The following RNASET2 variants were observed in gnomAD, a reference collection of about 807,000 sequenced individuals.
RNASET2 encodes ribonuclease T2.
RNASET2 carries 28 observed loss-of-function variants against 33.9 expected under a neutral mutation model. The observed-to-expected ratio is 0.83, with a 90% CI of 0.61 to 1.13. The LOEUF is 1.13. Among genes scored for constraint, RNASET2 ranks in the 50% most tolerant of loss-of-function variants. The pLI is 0.00. For synonymous variants in RNASET2, 123 were observed against 121.0 expected (o/e 1.02, Z -0.11); for missense variants, 330 against 319.9 (o/e 1.03, Z -0.24).
chr6:166,934,236 C>G lies in RNASET2; in HGVS notation c.447-100G>C, dbSNP rs2128644578. On this transcript the variant is annotated intron_variant, in intron 6 of 8. Transcript: ENST00000508775. ...ATTTCATGGTAAAAATTAAGACACT[C>G]TTAAAGGAAAGTGTTTTCTATGACT... 10 of 815,552 alleles carry G rather than the reference C, an allele frequency of 1.2e-5. No homozygotes were observed. The South Asian group carries it at 1.4e-4, about 11-fold the overall frequency. The allele number at this position is 815,552 out of a possible 1,614,324, so 50.5% of individuals were successfully genotyped here.
chr6:166,930,499 C>T (rs1479169706), intron 8 of RNASET2, among the ~76,000 whole-genome samples: 1 of 149,042 alleles, frequency 6.7e-6, no homozygotes, highest in African/African-American at 2.5e-5. Context: ...GCCCACACAG[C>T]ACGTTCACAT....
At chr6:166,952,583 T>C in intron 1 of RNASET2, 35 bp from the exon 2 acceptor site, 3 of 1,556,882 alleles carry the variant, frequency 1.9e-6, no homozygotes, top group Middle Eastern at 1.7e-4. Flanking sequence ...TTTCAAGAAC[T>C]TTTTTTAAAG....
intron 4 of RNASET2, 27 bp from the exon 5 acceptor site, chr6:166,943,116 TACG>T (rs745369043): frequency 1.3e-6 from 2 of 1,559,302 alleles, no homozygotes; most frequent in Non-Finnish European, 1.8e-6. Flanking sequence ...AAAATAAGTC[TACG>T]CAGGTTCTTA....
intron 1 of RNASET2, among the ~76,000 whole-genome samples, chr6:166,954,132 C>T (rs1323538860): frequency 6.6e-6 from 1 of 152,080 alleles, no homozygotes; most frequent in East Asian, 1.9e-4. Flanking sequence ...AGATGCCCCC[C>T]TCCCCTATTC....
At chr6:166,947,956 GTAGT>G (rs542691226) in intron 3 of RNASET2, among the ~76,000 whole-genome samples, 117 of 152,296 alleles carry the variant, frequency 7.7e-4, no homozygotes, top group African/African-American at 2.7e-3. Context: ...GTATTTTCAT[GTAGT>G]TATTTATAAT....
intron 1 of RNASET2, chr6:166,955,878 T>TC: frequency 1.5e-6 from 1 of 675,224 alleles, no homozygotes; most frequent in Non-Finnish European, 1.8e-6. Flanking sequence ...TGCTAAGGGC[T>TC]CCCCCCAACC....
At chr6:166,944,065 A>G (rs1387018133) in intron 4 of RNASET2, 1 of 164,994 alleles carries the variant, frequency 6.1e-6, no homozygotes, top group African/African-American at 2.4e-5. Flanking sequence ...GGTTGCAGTG[A>G]GCCGAGATTG....
Position 166,936,165 on chromosome 6 carries a change from A to G in RNASET2, c.447-2029T>C, listed in dbSNP as rs1485181915. Among the ~76,000 whole-genome samples the G allele has an allele frequency of 2.0e-5, 3 of 152,260 alleles. No individual in the cohort carries two copies. In the South Asian group the frequency reaches 6.2e-4, roughly 31 times the overall value. On this transcript the variant is annotated intron_variant, in intron 6 of 8. Coordinates refer to ENST00000508775, the MANE Select transcript of RNASET2 (RefSeq NM_003730.6). ...TATAATTTTCCTATAATTGTTCTTT[A>G]TAGGTTTTAGCAAACATACTCTCAG... is the stretch of plus-strand genomic sequence containing the variant.
rs183283917 is a variant in RNASET2 at position 166,952,104 on chromosome 6, T to C, written c.147+384A>G. On this transcript the variant is annotated intron_variant, in intron 2 of 8. Coordinates refer to ENST00000508775, the MANE Select transcript of RNASET2 (RefSeq NM_003730.6). Reference sequence around the variant, plus strand: ...CACACCGTGAAGGAGAAGGCAGAGATTGGGGTGATGGGTCAGCCCAGGAAC... The same window carrying C: ...CACACCGTGAAGGAGAAGGCAGAGACTGGGGTGATGGGTCAGCCCAGGAAC... 3.3e-4 allele frequency among the ~76,000 whole-genome samples: 51 copies of C among 152,274 alleles called. No homozygotes were observed. In the East Asian group the frequency reaches 8.3e-3, roughly 25 times the overall value.
chr6:166,956,204 C>A lies in RNASET2; in HGVS notation c.-22G>T. ...GCATGGTGCCGACCTGCGGAGAGAA[C>A]GCTGCCAGCTGCCGCTCCGGCTCCC... On this transcript the variant is annotated 5_prime_UTR_variant, in exon 1 of 9. Transcript: ENST00000508775. 6.5e-7 allele frequency: 1 copy of A among 1,543,794 alleles called. No homozygotes were observed.
intron 1 of RNASET2, chr6:166,955,383 A>ACG (rs1281270925): frequency 4.1e-6 from 1 of 244,944 alleles, no homozygotes; most frequent in Non-Finnish European, 4.9e-6. Context: ...ACGCACACGC[A>ACG]CACACACACA....
rs1778372267 is a variant in RNASET2, at chr6:166,929,685, TC to T, written c.673del (p.Glu225LysfsTer14). On this transcript the variant is annotated frameshift_variant, in exon 9 of 9. Transcript: ENST00000508775. LOFTEE classifies it low-confidence loss of function (END_TRUNC). ...EPGEQPSPKQ[E>X]VWLANGAAES... is the part of the protein sequence containing the mutation. ...GGCGGCCCCATTTGCCAGCCAGACT[TC>T]CTGCTTGGGGGACGGCTGCTCCCCC... The T allele has an allele frequency of 1.9e-6, 3 of 1,614,138 alleles. No homozygotes were observed. The highest frequency in any genetic ancestry group is 2.5e-6 in the Non-Finnish European group (3 of 1,180,028).
chr6:166,933,936 T>A lies in RNASET2; in HGVS notation c.492+155A>T. ...CTCCTACTCAACATGCGCAGGAAAA[T>A]AAAATGCAAATAAAATCTGTTCACA... On this transcript the variant is annotated intron_variant, in intron 7 of 8. Transcript: ENST00000508775. The surrounding 1 kb of genome is among the most constrained non-coding windows in gnomAD (Gnocchi z 4.1). The A allele has an allele frequency of 1.4e-6, 1 of 723,852 alleles. No homozygotes were observed. Among genetic ancestry groups the A allele is most frequent in the Admixed American group, 2.0e-5 (1 of 49,452 alleles). 44.8% of individuals were successfully genotyped at this position (723,852 alleles called of 1,614,324 possible). A position where few individuals can be genotyped will look rare whatever the true frequency, so the allele number is the denominator to read the frequency against.
chr6:166,949,440 G>T (rs147086615), intron 2 of RNASET2, among the ~76,000 whole-genome samples: 3,822 of 138,888 alleles, frequency 0.028, 177 homozygotes, highest in African/African-American at 0.1. Context: ...GGCAGAGCTT[G>T]CAGTGAGCCG....
intron 4 of RNASET2, chr6:166,945,242 C>T (rs771021511): frequency 1.3e-5 from 2 of 158,172 alleles, no homozygotes; most frequent in African/African-American, 4.8e-5. Context: ...CATCCTCATG[C>T]TAACTATGCC....
In RNASET2 at chr6:166,929,412, C is replaced by T. The variant is rs1778364828; in HGVS notation, c.*176G>A. On this transcript the variant is annotated 3_prime_UTR_variant, in exon 9 of 9. Transcript: ENST00000508775. Reference sequence around the variant, plus strand: ...CAGCCACTCAGGCGTGGGAGAGCTCCTTTCTCCCCGTGTACGCCACATGCA... The same window carrying T: ...CAGCCACTCAGGCGTGGGAGAGCTCTTTTCTCCCCGTGTACGCCACATGCA... 2 of 713,092 alleles carry T rather than the reference C, an allele frequency of 2.8e-6. No individual in the cohort carries two copies. Among genetic ancestry groups the T allele is most frequent in the Admixed American group, 4.4e-5 (2 of 45,244 alleles). 44.2% of individuals were successfully genotyped at this position (713,092 alleles called of 1,614,324 possible). A position where few individuals can be genotyped will look rare whatever the true frequency, so the allele number is the denominator to read the frequency against.
intron 4 of RNASET2, among the ~76,000 whole-genome samples, chr6:166,944,562 G>A (rs571652947): frequency 6.6e-6 from 1 of 150,962 alleles, no homozygotes; most frequent in East Asian, 2.0e-4. Context: ...GATTGAGTGT[G>A]CAAATTGGGC....
chr6:166,944,579 C>T (rs1190515165), intron 4 of RNASET2, among the ~76,000 whole-genome samples: 1 of 151,830 alleles, frequency 6.6e-6, no homozygotes, highest in Non-Finnish European at 1.5e-5. Context: ...GGGCTACTTC[C>T]GTTTGGGACA....
chr6:166,936,395 T>C (rs762458802), intron 6 of RNASET2, among the ~76,000 whole-genome samples: 1 of 152,064 alleles, frequency 6.6e-6, no homozygotes, highest in Non-Finnish European at 1.5e-5. Context: ...CTAGTGTCGC[T>C]ATACAGGAAT....
Sources: allele counts gnomAD v4.1 joint callset (sites outside exome capture counted in the v4.1 genomes callset), GRCh38; gene constraint gnomAD v4.1.1; non-coding constraint Gnocchi (gnomAD v3.1); transcripts MANE v1.5; gene names NCBI Gene and HGNC (gene_info 2026-07-23, HGNC 2026-07-21).